The following PSD3 variants were observed in gnomAD, a reference collection of about 807,000 sequenced individuals.
PSD3 encodes the protein pleckstrin and Sec7 domain containing 3.
In PSD3, 49 loss-of-function variants were observed where a neutral mutation model predicts 105.5. The observed-to-expected ratio is 0.46, with a 90% CI of 0.37 to 0.59. PSD3 has a LOEUF of 0.59. Among genes scored for constraint, PSD3 ranks in the 20% least tolerant of loss-of-function variants. PSD3 has a pLI of 0.00. For synonymous variants in PSD3, 557 were observed against 457.8 expected, an observed-to-expected ratio of 1.22 and a Z score of -2.77; for missense variants, 1,561 against 1,263.8, an observed-to-expected ratio of 1.24 and a Z score of -3.57.
chr8:18,729,601 G>GT (rs1257161465), intron 9 of PSD3, among the ~76,000 whole-genome samples: 1 of 152,166 alleles, frequency 6.6e-6, no homozygotes, highest in African/African-American at 2.4e-5. Context: ...CCTATGTAAG[G>GT]TATAGATTTT....
At chr8:18,824,228 A>C (rs1563315401) in intron 4 of PSD3, among the ~76,000 whole-genome samples, 1 of 152,214 alleles carries the variant, frequency 6.6e-6, no homozygotes, top group Non-Finnish European at 1.5e-5. Context: ...TTTTCCAAAG[A>C]CACAAAGATA....
chr8:18,679,893 G>C (rs1800284816), intron 9 of PSD3, among the ~76,000 whole-genome samples: 1 of 152,146 alleles, frequency 6.6e-6, no homozygotes, highest in African/African-American at 2.4e-5. Flanking sequence ...TTATTAACTA[G>C]AGAATTCTTG....
Position 18,967,408 on chromosome 8 carries a change from T to C in PSD3, c.22-31266A>G, listed in dbSNP as rs568427870. Among the ~76,000 whole-genome samples the C allele has an allele frequency of 2.3e-3, 350 of 152,218 alleles. 1 individual carries two copies. The highest frequency in any genetic ancestry group is 6.8e-3 in the Middle Eastern group (2 of 292). On this transcript the variant is annotated intron_variant, in intron 1 of 15. Transcript: ENST00000327040. ...GATCTAAGGTGATCCACTCCCAAAG[T>C]GCTGGGATTACAGGCGTGAGCCACC... is the stretch of plus-strand genomic sequence containing the variant.
chr8:18,944,728 T>C (rs1822756281), intron 1 of PSD3, among the ~76,000 whole-genome samples: 1 of 152,202 alleles, frequency 6.6e-6, no homozygotes, highest in Admixed American at 6.5e-5. Context: ...TTTCAATTTA[T>C]AATTTTATTT....
At chr8:18,671,307 A>C (rs1020113634) in intron 9 of PSD3, among the ~76,000 whole-genome samples, 2 of 152,136 alleles carry the variant, frequency 1.3e-5, no homozygotes, top group Non-Finnish European at 2.9e-5. Context: ...TGCTCACTTA[A>C]ATTTGAACTT....
intron 1 of PSD3, among the ~76,000 whole-genome samples, chr8:18,998,603 C>T (rs184929684): frequency 1.3e-5 from 2 of 152,012 alleles, no homozygotes; most frequent in Non-Finnish European, 2.9e-5. Context: ...AGAAGAATCG[C>T]TTGAACGCGG....
chr8:18,690,867 C>G (rs1800937392), intron 9 of PSD3, among the ~76,000 whole-genome samples: 1 of 152,190 alleles, frequency 6.6e-6, no homozygotes, highest in Non-Finnish European at 1.5e-5. Context: ...CTTGCCTTCA[C>G]CCATCTCAAT....
chr8:18,915,855 G>C (rs553565075), intron 2 of PSD3, among the ~76,000 whole-genome samples: 1 of 152,244 alleles, frequency 6.6e-6, no homozygotes, highest in South Asian at 2.1e-4. Context: ...AGCACTTTGG[G>C]AGGCCAAGGC....
At chr8:18,880,134 T>C (rs1329845989) in intron 2 of PSD3, among the ~76,000 whole-genome samples, 1 of 152,180 alleles carries the variant, frequency 6.6e-6, no homozygotes, top group Non-Finnish European at 1.5e-5. Flanking sequence ...TCCTGACCTT[T>C]TATTTAGAAT....
intron 1 of PSD3, among the ~76,000 whole-genome samples, chr8:19,028,218 T>A (rs1010547830): frequency 7.2e-5 from 11 of 151,906 alleles, no homozygotes; most frequent in African/African-American, 2.7e-4. Context: ...GTACTTATTT[T>A]CACTTTGTGT....
At position 18,910,656 on chromosome 8, in the gene PSD3, A is replaced by G. The variant is rs192422205; in HGVS notation, c.130+25378T>C. Among the ~76,000 whole-genome samples, 939 of 149,650 alleles carry G rather than the reference A, an allele frequency of 6.3e-3. 5 individuals are homozygous for G. The highest frequency in any genetic ancestry group is 0.017 in the Middle Eastern group (5 of 292). The stretch of plus-strand genomic sequence containing the variant: ...GTATAATAAAAAAAAAAAAAAAAAA[A>G]AAAGAAAAGTCTGATGCCCCAGGCC... On this transcript the variant is annotated intron_variant, in intron 2 of 15. Coordinates refer to ENST00000327040, the MANE Select transcript of PSD3 (RefSeq NM_015310.4).
rs1255222296 is a variant in PSD3, at chr8:18,872,304, A to G, written c.560T>C (p.Leu187Pro). 8 of 1,613,982 alleles carry G rather than the reference A, an allele frequency of 5.0e-6. No individual in the cohort carries two copies. Among genetic ancestry groups the G allele is most frequent in the Non-Finnish European group, 6.8e-6 (8 of 1,180,026 alleles). The stretch of plus-strand genomic sequence containing the variant: ...TGGTAAATTTTTTTGGCCAGCAGGG[A>G]GCGTTTTGTTGACTCTCTGTGTTTT... ...SRKTQRVNKT[L>P]PAGQKNLPEI... is the part of the protein sequence containing the mutation. Residue 187 changes from leucine to proline, a missense_variant, in exon 3 of 16, where the codon CTC (leucine) becomes CCC (proline). By Grantham distance (98) the Leu-to-Pro change is moderately conservative. Transcript: ENST00000327040.
chr8:18,934,376 A>C (rs535366213), intron 2 of PSD3, among the ~76,000 whole-genome samples: 40 of 152,346 alleles, frequency 2.6e-4, no homozygotes, highest in Admixed American at 1.2e-3. Flanking sequence ...AGCAGCCAAC[A>C]CTTTTATAGC....
intron 8 of PSD3, among the ~76,000 whole-genome samples, chr8:18,793,758 C>A (rs1809971554): frequency 6.6e-6 from 1 of 152,076 alleles, no homozygotes; most frequent in Non-Finnish European, 1.5e-5. Flanking sequence ...AAGAGGTATC[C>A]ACAGGGAAGA....
intron 9 of PSD3, among the ~76,000 whole-genome samples, chr8:18,666,611 G>A (rs758765664): frequency 1.3e-5 from 2 of 152,074 alleles, no homozygotes; most frequent in Non-Finnish European, 2.9e-5. Context: ...AGTCAGGAAG[G>A]CCAGGGAGAG....
intron 14 of PSD3, among the ~76,000 whole-genome samples, chr8:18,566,891 T>G (rs1477680665): frequency 6.6e-6 from 1 of 152,194 alleles, no homozygotes; most frequent in African/African-American, 2.4e-5. Context: ...CTGTTAGAAA[T>G]AAGAGTGCCT....
chr8:18,799,670 G>C (rs1810511981), intron 7 of PSD3, among the ~76,000 whole-genome samples: 3 of 152,112 alleles, frequency 2.0e-5, no homozygotes, highest in Admixed American at 2.0e-4. Flanking sequence ...GCAATAATTA[G>C]TGATCTATAC....
At chr8:19,071,970 A>G (rs1829280194) in intron 1 of PSD3, among the ~76,000 whole-genome samples, 1 of 152,122 alleles carries the variant, frequency 6.6e-6, no homozygotes, top group South Asian at 2.1e-4. Flanking sequence ...TCGGCCTCCC[A>G]AAGTGCTGGG....
intron 8 of PSD3, among the ~76,000 whole-genome samples, chr8:18,784,373 T>C (rs980314841): frequency 5.3e-5 from 8 of 152,174 alleles, no homozygotes; most frequent in Non-Finnish European, 1.0e-4. Flanking sequence ...CTCAACACAA[T>C]AGTCACTGAA....
Sources: gnomAD v4.1 joint callset for allele counts (sites outside exome capture counted in the v4.1 genomes callset) on GRCh38, gnomAD v4.1.1 for gene constraint, MANE v1.5 for transcripts, NCBI Gene and HGNC (gene_info 2026-07-23, HGNC 2026-07-21) for gene names.